The following C9orf78 variants were observed in gnomAD, a reference collection of about 807,000 sequenced individuals.
C9orf78 encodes the protein chromosome 9 open reading frame 78, also known as splicing factor C9orf78.
A neutral mutation model predicts 37.4 loss-of-function variants in C9orf78; 19 were observed. That is an observed-to-expected ratio of 0.51 (90% CI 0.35 to 0.74). C9orf78 has a LOEUF of 0.74. Among genes scored for constraint, C9orf78 ranks in the 30% least tolerant of loss-of-function variants. The pLI is 0.01. For missense variants in C9orf78, 291 were observed against 370.8 expected (o/e 0.78, Z 1.77); for synonymous variants, 130 against 128.0 (o/e 1.02, Z -0.10).
At chr9:129,834,666 T>C (rs2031644073) in intron 2 of C9orf78, 41 bp downstream of exon 2, 2 of 1,470,174 alleles carry the variant, frequency 1.4e-6, no homozygotes, top group East Asian at 2.3e-5. Context: ...GATGTGTCTG[T>C]CGTCCCCGCC....
rs368775834 is a variant in C9orf78, at chr9:129,828,030, T to G, written c.*131A>C. 72 of 542,464 alleles carry G rather than the reference T, an allele frequency of 1.3e-4. No homozygotes were observed. Among genetic ancestry groups the G allele is most frequent in the East Asian group, 9.1e-4 (22 of 24,214 alleles). 33.6% of individuals were successfully genotyped at this position (542,464 alleles called of 1,614,324 possible). ...CTGGTCTCAAACTCCCGACCTCAGG[T>G]GATCCGCCCACCTCGGCCTCCCAAA... On this transcript the variant is annotated 3_prime_UTR_variant, in exon 9 of 9. Coordinates refer to ENST00000372447, the MANE Select transcript of C9orf78 (RefSeq NM_016520.3).
At chr9:129,830,071 CG>C (rs2031452000) in intron 6 of C9orf78, 1 of 152,598 alleles carries the variant, frequency 6.6e-6, no homozygotes. Context: ...AAGCCTTCAG[CG>C]AAACTTCTAG....
intron 5 of C9orf78, 25 bp downstream of exon 5, chr9:129,831,871 C>G: frequency 8.0e-7 from 1 of 1,256,734 alleles, no homozygotes; most frequent in Non-Finnish European, 1.2e-6. Flanking sequence ...CCCAACTGCT[C>G]ACAGCCAAAC....
Position 129,833,312 on chromosome 9 carries a change from C to T in C9orf78, c.266+135G>A, listed in dbSNP as rs191429202. On this transcript the variant is annotated intron_variant, in intron 4 of 8. Coordinates refer to ENST00000372447, the MANE Select transcript of C9orf78 (RefSeq NM_016520.3). ...TTGCTTTCTTTGTTTTTAAATAACA[C>T]ACCCTTTGCAAAGCACAAAACCTGC... The T allele has an allele frequency of 1.0e-4, 67 of 649,234 alleles. No individual in the cohort carries two copies. The African/African-American group carries it at 1.1e-3, about 11-fold the overall frequency. The allele number at this position is 649,234 out of a possible 1,614,324, so 40.2% of individuals were successfully genotyped here. A position where few individuals can be genotyped will look rare whatever the true frequency, so the allele number is the denominator to read the frequency against.
Position 129,827,986 on chromosome 9 carries a change from T to C in C9orf78, c.*175A>G. On this transcript the variant is annotated 3_prime_UTR_variant, in exon 9 of 9. Coordinates refer to ENST00000372447, the MANE Select transcript of C9orf78 (RefSeq NM_016520.3). ...TTCTGTATTTTCAGTAGAGACTGGG[T>C]TTCTCCATGTTGGTCAGGCTGGTCT... is the stretch of plus-strand genomic sequence containing the variant. The C allele has an allele frequency of 2.4e-6, 1 of 413,326 alleles. No individual in the cohort carries two copies. 25.6% of individuals were successfully genotyped at this position (413,326 alleles called of 1,614,324 possible).
At chr9:129,828,318 T>C (rs1453114785) in intron 8 of C9orf78, 66 bp from the exon 9 acceptor site, 4 of 959,932 alleles carry the variant, frequency 4.2e-6, no homozygotes, top group Non-Finnish European at 6.8e-6. Context: ...CTTTACTCCA[T>C]GCAGGCAAAG....
At position 129,829,540 on chromosome 9, in the gene C9orf78, C is replaced by T; in HGVS notation, c.544G>A (p.Ala182Thr). The part of the protein sequence containing the change: ...GIPEVDLGID[A>T]KIKNIISTED... ...GTGGAAATGATATTTTTTATTTTAG[C>T]ACTATGGAGAGAAAGAAACCACACC... The change falls in exon 7 of 9, where the codon GCT becomes ACT. Residue 182 changes from alanine to threonine, a missense_variant and splice_region_variant. Around this residue, in one of 3 missense-constraint regions of C9orf78, gnomAD observed 120 missense variants for 148.7 expected, o/e 0.81. Coordinates refer to ENST00000372447, the MANE Select transcript of C9orf78 (RefSeq NM_016520.3). 1.2e-6 allele frequency: 2 copies of T among 1,612,892 alleles called. No homozygotes were observed. The highest frequency in any genetic ancestry group is 1.7e-6 in the Non-Finnish European group (2 of 1,179,198).
rs74698489 is a variant in C9orf78 at position 129,831,985 on chromosome 9, G to C, written c.267-12C>G. 3.0e-6 allele frequency: 4 copies of C among 1,351,216 alleles called. No homozygotes were observed. In the African/African-American group the frequency reaches 5.7e-5, roughly 19 times the overall value. 83.7% of individuals were successfully genotyped at this position (1,351,216 alleles called of 1,614,324 possible). On this transcript the variant is annotated splice_polypyrimidine_tract_variant and intron_variant, in intron 4 of 8. Transcript: ENST00000372447. ...CCTCCTCACTGATCCTGGAGGGAGAGAACAATGAGGCAGAGCTTTCAAGTC... is the reference window on the plus strand; with the variant it reads ...CCTCCTCACTGATCCTGGAGGGAGACAACAATGAGGCAGAGCTTTCAAGTC...
chr9:129,831,007 T>C lies in C9orf78; in HGVS notation c.406A>G (p.Lys136Glu). 1 of 1,613,678 alleles carries C rather than the reference T, an allele frequency of 6.2e-7. No individual in the cohort carries two copies. The highest frequency in any genetic ancestry group is 8.5e-7 in the Non-Finnish European group (1 of 1,179,590). ...RKGIVEHEEQ[K>E]VKPKNAEDCL... ...TCCTCTGCATTCTTTGGCTTAACTTTCTGTTCCTCATGTTCCACGATCCCT... is the reference window on the plus strand; with the variant it reads ...TCCTCTGCATTCTTTGGCTTAACTTCCTGTTCCTCATGTTCCACGATCCCT... Residue 136 changes from lysine to glutamate, a missense_variant, in exon 6 of 9, where the codon AAA becomes GAA. Coordinates refer to ENST00000372447, the MANE Select transcript of C9orf78 (RefSeq NM_016520.3).
rs770065891 is a variant in C9orf78 at position 129,830,888 on chromosome 9, C to T, written c.525G>A (p.Glu175=). 1.9e-6 allele frequency: 3 copies of T among 1,612,958 alleles called. No homozygotes were observed. In the African/African-American group the frequency reaches 4.0e-5, roughly 22 times the overall value. ...AAACATACTCGATGCCCAGGTCCAC[C>T]TCAGGAATGCCACTCAGCATCTGGT... The part of the protein sequence containing the change: ...LSNQMLSGIP[E]VDLGIDAKIK... The change falls in exon 6 of 9, where the codon GAG becomes GAA. Residue 175 remains glutamate, a synonymous_variant. Transcript: ENST00000372447.
At position 129,828,154 on chromosome 9, in the gene C9orf78, G is replaced by A. The variant is rs374052153; in HGVS notation, c.*7C>T. ...GAAGGCGATATTTACATCCCACTCT[G>A]CACAACTCAGTACCGCCTATTCATT... On this transcript the variant is annotated 3_prime_UTR_variant, in exon 9 of 9. Transcript: ENST00000372447. 3.3e-6 allele frequency: 5 copies of A among 1,517,036 alleles called. No homozygotes were observed. In the African/African-American group the frequency reaches 6.9e-5, roughly 21 times the overall value. 94.0% of individuals were successfully genotyped at this position (1,517,036 alleles called of 1,614,324 possible).
Position 129,829,321 on chromosome 9 carries a change from A to T in C9orf78, c.680-18T>A. On this transcript the variant is annotated intron_variant, in intron 7 of 8. Coordinates refer to ENST00000372447, the MANE Select transcript of C9orf78 (RefSeq NM_016520.3). ...ATGATAAACTGGACCCAAAGAGACC[A>T]GGGGACACGTTAGAACATGAGGTTC... The T allele has an allele frequency of 1.2e-6, 2 of 1,602,090 alleles. No individual in the cohort carries two copies. Among genetic ancestry groups the T allele is most frequent in the Non-Finnish European group, 1.7e-6 (2 of 1,172,904 alleles).
chr9:129,827,516 A>T lies in C9orf78; in HGVS notation c.*645T>A, dbSNP rs1332392343. The T allele has an allele frequency of 2.6e-5, 4 of 152,310 alleles. No individual in the cohort carries two copies. In the East Asian group the frequency reaches 7.7e-4, roughly 29 times the overall value. 9.4% of individuals were successfully genotyped at this position (152,310 alleles called of 1,614,324 possible). A position where few individuals can be genotyped will look rare whatever the true frequency, so the allele number is the denominator to read the frequency against. On this transcript the variant is annotated 3_prime_UTR_variant, in exon 9 of 9. Transcript: ENST00000372447. The stretch of plus-strand genomic sequence containing the variant: ...TCTATAATAATGAAAGCACAATCTA[A>T]AGAGTATTATCACACCGTGAACAGC...
At chr9:129,828,731 T>A (rs1333648441) in intron 8 of C9orf78, 3 of 246,260 alleles carry the variant, frequency 1.2e-5, no homozygotes, top group African/African-American at 6.9e-5. Flanking sequence ...CCAATACCTT[T>A]TTCTTTTCTT....
At chr9:129,829,895 G>A (rs1327549550) in intron 6 of C9orf78, 1 of 176,564 alleles carries the variant, frequency 5.7e-6, no homozygotes, top group Non-Finnish European at 1.2e-5. Flanking sequence ...CCCTTTTAAA[G>A]TGGATATTTT....
intron 6 of C9orf78, 81 bp from the exon 7 acceptor site, chr9:129,829,622 A>G (rs2031440360): frequency 8.0e-7 from 1 of 1,252,424 alleles, no homozygotes; most frequent in African/African-American, 1.5e-5. Context: ...CTGGCAGCCC[A>G]GCAGTACATA....
Position 129,831,901 on chromosome 9 carries a change from T to C in C9orf78, c.339A>G (p.Ala113=), listed in dbSNP as rs56987928. Residue 113 remains alanine, a synonymous_variant, in exon 5 of 9, where the codon GCA becomes GCG. Coordinates refer to ENST00000372447, the MANE Select transcript of C9orf78 (RefSeq NM_016520.3). ...CCAAACAGACTGACACTTACATGTC[T>C]GCATCCTCATCCCTTCGGTTGGTTT... ...SAETNRRDED[A]DMMKYIETEL... 7,312 of 1,546,228 alleles carry C rather than the reference T, an allele frequency of 4.7e-3. 265 individuals are homozygous for C. In the East Asian group the frequency reaches 0.092, roughly 20 times the overall value.
intron 4 of C9orf78, among the ~76,000 whole-genome samples, chr9:129,832,611 G>T (rs117177536): frequency 0.012 from 1,820 of 152,146 alleles, 17 homozygotes; most frequent in Middle Eastern, 0.024. Context: ...GCTAACTTTT[G>T]TATTTTTAAT....
intron 5 of C9orf78, chr9:129,831,486 G>A (rs184677075): frequency 4.0e-4 from 98 of 242,802 alleles, no homozygotes; most frequent in African/African-American, 1.9e-3. Context: ...GTGCAATGGC[G>A]AGATCTTGGC....
Sources: gnomAD v4.1 joint callset for allele counts (sites outside exome capture counted in the v4.1 genomes callset) on GRCh38, gnomAD v4.1.1 for gene constraint, gnomAD v4.1.1 regional missense constraint, MANE v1.5 for transcripts, NCBI Gene and HGNC (gene_info 2026-07-23, HGNC 2026-07-21) for gene names.